Variants in ARHGEF7 observed in about 807,000 individuals in gnomAD.
ARHGEF7 encodes PAK-interacting exchange factor beta.
In ARHGEF7, 33 loss-of-function variants were observed where a neutral mutation model predicts 109.8. That is an observed-to-expected ratio of 0.30 (90% confidence interval 0.23 to 0.40). The LOEUF (loss-of-function observed/expected upper bound fraction) is 0.40, where lower values mean the gene tolerates loss of function less well. Ranked by LOEUF, ARHGEF7 falls within the 10% of genes least tolerant of loss-of-function variation. The pLI, the probability that ARHGEF7 is intolerant of heterozygous loss-of-function variation, is 1.00. For missense variants in ARHGEF7, 938 were observed against 1,098.5 expected, an observed-to-expected ratio of 0.85 and a Z score of 2.07; for synonymous variants, 458 against 424.6, an observed-to-expected ratio of 1.08 and a Z score of -0.97.
chr13:111,266,637 T>C lies in ARHGEF7; in HGVS notation c.951-911T>C, dbSNP rs538064386. ...GCACTTTGGAAGTGCTGTCCGAGAG[T>C]TGGGACTGGTTGACTCTTGTTTTCT... On this transcript the variant is annotated intron_variant, in intron 8 of 21. Coordinates refer to ENST00000646102, the MANE Select transcript of ARHGEF7 (RefSeq NM_001354046.2). The surrounding 1 kb of genome is among the most constrained non-coding windows in gnomAD (Gnocchi z 4.8). 6.6e-6 allele frequency among the ~76,000 whole-genome samples: 1 copy of C among 152,218 alleles called. No homozygotes were observed. Among genetic ancestry groups the C allele is most frequent in the Admixed American group, 6.5e-5 (1 of 15,294 alleles).
chr13:111,194,217 C>G (rs894313386), intron 2 of ARHGEF7, among the ~76,000 whole-genome samples: 8 of 152,222 alleles, frequency 5.3e-5, no homozygotes, highest in African/African-American at 1.9e-4. Context: ...TTCCTGCTCT[C>G]TCTCTGATAT....
intron 8 of ARHGEF7, among the ~76,000 whole-genome samples, chr13:111,259,679 T>C (rs2090873553): frequency 6.6e-6 from 1 of 152,164 alleles, no homozygotes; most frequent in Non-Finnish European, 1.5e-5. Context: ...CTGTGAAGAC[T>C]ACAATAAACA....
intron 8 of ARHGEF7, among the ~76,000 whole-genome samples, chr13:111,244,692 T>C (rs2088467678): frequency 6.6e-6 from 1 of 152,236 alleles, no homozygotes; most frequent in African/African-American, 2.4e-5. Flanking sequence ...CTGCTGTTTC[T>C]GGCCTTCCAG....
At chr13:111,135,462 C>T (rs1408059693) in intron 1 of ARHGEF7, among the ~76,000 whole-genome samples, 1 of 152,144 alleles carries the variant, frequency 6.6e-6, no homozygotes. Flanking sequence ...TGTTTGTGTC[C>T]TCTTTTATTT....
At chr13:111,240,396 G>T (rs903676667) in intron 6 of ARHGEF7, among the ~76,000 whole-genome samples, 1 of 152,176 alleles carries the variant, frequency 6.6e-6, no homozygotes, top group Non-Finnish European at 1.5e-5. Flanking sequence ...CTAACGTTCC[G>T]AGGTATTGGT....
Position 111,184,984 on chromosome 13 carries a change from G to A in ARHGEF7, c.253-20305G>A, listed in dbSNP as rs117752876. On this transcript the variant is annotated intron_variant, in intron 2 of 21. Coordinates refer to ENST00000646102, the MANE Select transcript of ARHGEF7 (RefSeq NM_001354046.2). ...CCAGGCTGGTGGTGGAGCTCCCAGG[G>A]GATTTCGCTTCTGGGTAGAATTGTC... 4.2e-3 allele frequency: 645 copies of A among 152,570 alleles called. 2 individuals carry two copies. Among genetic ancestry groups the A allele is most frequent in the Non-Finnish European group, 7.3e-3 (500 of 68,274 alleles). The allele number at this position is 152,570 out of a possible 1,614,324, so 9.5% of individuals were successfully genotyped here.
At chr13:111,254,581 TGGCCTCAGAAGAGGATTC>T (rs1566973054) in intron 8 of ARHGEF7, among the ~76,000 whole-genome samples, 1 of 125,930 alleles carries the variant, frequency 7.9e-6, no homozygotes, top group Admixed American at 8.0e-5. Flanking sequence ...ACGTGAAGGC[TGGCCTCAGAAGAGGATTC>T]GGGCTAAGGC....
At chr13:111,212,792 C>G (rs890673540) in intron 4 of ARHGEF7, among the ~76,000 whole-genome samples, 15 of 152,160 alleles carry the variant, frequency 9.9e-5, no homozygotes, top group African/African-American at 3.6e-4. Context: ...TCAAAGACTT[C>G]TCTTTTTAAG....
At chr13:111,178,867 C>T (rs746202196) in intron 2 of ARHGEF7, among the ~76,000 whole-genome samples, 3 of 152,180 alleles carry the variant, frequency 2.0e-5, no homozygotes, top group Non-Finnish European at 4.4e-5. Context: ...TTTATTTGCA[C>T]GAAAGCCCCA....
intron 1 of ARHGEF7, among the ~76,000 whole-genome samples, chr13:111,118,953 C>T (rs75591556): frequency 0.014 from 2,173 of 152,162 alleles, 53 homozygotes; most frequent in African/African-American, 0.049. Context: ...GAAAATCAGA[C>T]GCTGCCTCGG....
At chr13:111,155,064 T>G (rs903727408) in intron 2 of ARHGEF7, among the ~76,000 whole-genome samples, 4 of 152,222 alleles carry the variant, frequency 2.6e-5, no homozygotes, top group Non-Finnish European at 4.4e-5. Flanking sequence ...TCATTTATAA[T>G]GTACTAGGTA....
At chr13:111,247,143 A>T (rs2089000248) in intron 8 of ARHGEF7, among the ~76,000 whole-genome samples, 1 of 152,102 alleles carries the variant, frequency 6.6e-6, no homozygotes, top group African/African-American at 2.4e-5. Flanking sequence ...TCTTTTTATT[A>T]TGAATATTCT....
intron 19 of ARHGEF7, among the ~76,000 whole-genome samples, chr13:111,295,774 TC>T (rs2093414247): frequency 6.6e-6 from 1 of 152,228 alleles, no homozygotes; most frequent in Admixed American, 6.5e-5. Flanking sequence ...GATTACTAAA[TC>T]GTTTTTAAGT....
In ARHGEF7 at chr13:111,234,958, T is replaced by C. The variant is rs572076953; in HGVS notation, c.759+1665T>C. On this transcript the variant is annotated intron_variant, in intron 6 of 21. Coordinates refer to ENST00000646102, the MANE Select transcript of ARHGEF7 (RefSeq NM_001354046.2). ...ACTAACCCATTCGCTTTTTAGTGTG[T>C]AATGTAGCTTATGTGTAGTTTTGTG... Among the ~76,000 whole-genome samples the C allele has an allele frequency of 2.6e-5, 4 of 152,346 alleles. No homozygotes were observed. In the East Asian group the frequency reaches 7.7e-4, roughly 29 times the overall value.
chr13:111,301,514 A>C lies in ARHGEF7; in HGVS notation c.2448A>C (p.Glu816Asp). Residue 816 changes from glutamate to aspartate, a missense_variant, in exon 21 of 22, where the codon GAA becomes GAC. Physicochemically the swap from Glu to Asp is conservative, Grantham distance 45. Around this residue, in one of 4 missense-constraint regions of ARHGEF7, gnomAD observed 166 missense variants for 167.3 expected, o/e 0.99. Transcript: ENST00000646102. ...ATACCGTATATGCATTAAAGGATGAAGTTCAAGAATTAAGACAGGTACGTC... is the reference window on the plus strand; with the variant it reads ...ATACCGTATATGCATTAAAGGATGACGTTCAAGAATTAAGACAGGTACGTC... ...LVDTVYALKD[E>D]VQELRQDNKK... 1 of 1,612,430 alleles carries C rather than the reference A, an allele frequency of 6.2e-7. No homozygotes were observed.
At chr13:111,123,865 C>CCG (rs1555339505) in intron 1 of ARHGEF7, among the ~76,000 whole-genome samples, 6 of 35,984 alleles carry the variant, frequency 1.7e-4, no homozygotes, top group Non-Finnish European at 2.8e-4. Flanking sequence ...GGGCTGCGCC[C>CCG]CCCCCCCCCG....
At position 111,286,164 on chromosome 13, in the gene ARHGEF7, T is replaced by C. The variant is rs72653559; in HGVS notation, c.1968T>C (p.Pro656=). Residue 656 remains proline (P), a synonymous_variant, in exon 17 of 22, where the codon CCT becomes CCC. Coordinates refer to ENST00000646102, the MANE Select transcript of ARHGEF7 (RefSeq NM_001354046.2). ...LCYKEDLSKS[P]KTMKKLLPKR... ...TTCCCTAGGATCTTAGTAAGAGCCCTAAGACCATGAAAAAGCTGCTGCCCA... is the reference window on the plus strand; with the variant it reads ...TTCCCTAGGATCTTAGTAAGAGCCCCAAGACCATGAAAAAGCTGCTGCCCA... 22,306 of 1,613,760 alleles carry C rather than the reference T, an allele frequency of 0.014. 203 individuals carry two copies. The highest frequency in any genetic ancestry group is 0.035 in the Middle Eastern group (213 of 6,058).
At chr13:111,275,705 G>A in intron 12 of ARHGEF7, 27 bp downstream of exon 12, 1 of 1,613,824 alleles carries the variant, frequency 6.2e-7, no homozygotes, top group Non-Finnish European at 8.5e-7. Flanking sequence ...GCACGCACCA[G>A]GGTTTCTGTC....
intron 17 of ARHGEF7, among the ~76,000 whole-genome samples, chr13:111,286,982 G>T (rs927984150): frequency 6.6e-6 from 1 of 152,186 alleles, no homozygotes; most frequent in African/African-American, 2.4e-5. Flanking sequence ...CTCAGCCTTT[G>T]TTGGTCCTTT....
Sources: allele counts gnomAD v4.1 joint callset (sites outside exome capture counted in the v4.1 genomes callset), GRCh38; gene constraint gnomAD v4.1.1; regional missense constraint gnomAD v4.1.1; non-coding constraint Gnocchi (gnomAD v3.1); transcripts MANE v1.5; gene names NCBI Gene and HGNC (gene_info 2026-07-23, HGNC 2026-07-21).